The following ARIH1 variants were observed in gnomAD, a reference collection of about 807,000 sequenced individuals.
The protein encoded by ARIH1 is E3 ubiquitin-protein ligase ARIH1.
ARIH1 carries 8 observed loss-of-function variants against 85.0 expected under a neutral mutation model. That is an observed-to-expected ratio of 0.09 (90% CI 0.06 to 0.17). The LOEUF is 0.17. ARIH1 is among the 10% of genes least tolerant of loss of function. The probability of loss-of-function intolerance (pLI) is 1.00; values close to 1 mark genes in which losing one functional copy is unlikely to be tolerated. For missense variants in ARIH1, 311 were observed against 718.1 expected (o/e 0.43, Z 6.48); for synonymous variants, 238 against 253.6 (o/e 0.94, Z 0.59).
intron 1 of ARIH1, among the ~76,000 whole-genome samples, chr15:72,513,680 T>C (rs1473653354): frequency 3.6e-4 from 47 of 128,942 alleles, no homozygotes; most frequent in African/African-American, 1.3e-3. Flanking sequence ...TCTCTCTCTC[T>C]CCCTCTCCCT....
At chr15:72,490,211 T>A (rs1274999541) in intron 1 of ARIH1, among the ~76,000 whole-genome samples, 2 of 151,206 alleles carry the variant, frequency 1.3e-5, no homozygotes, top group African/African-American at 2.4e-5. Flanking sequence ...AAAAAAAATG[T>A]TTTTCAGGGA....
chr15:72,574,550 A>T (rs1236137679), intron 11 of ARIH1, among the ~76,000 whole-genome samples: 1 of 152,170 alleles, frequency 6.6e-6, no homozygotes, highest in South Asian at 2.1e-4. Flanking sequence ...GTTATAGAAA[A>T]TTGTTGACTC....
At chr15:72,497,492 T>G (rs1354031249) in intron 1 of ARIH1, among the ~76,000 whole-genome samples, 3 of 152,048 alleles carry the variant, frequency 2.0e-5, no homozygotes, top group Non-Finnish European at 4.4e-5. Context: ...GGAAGGGCAA[T>G]AGCATTTTTA....
intron 1 of ARIH1, among the ~76,000 whole-genome samples, chr15:72,514,345 CTTCT>C (rs1449498747): frequency 6.6e-6 from 1 of 152,138 alleles, no homozygotes; most frequent in Admixed American, 6.6e-5. Context: ...CTTCTGTCAT[CTTCT>C]TTCTGATAGT....
At chr15:72,521,634 C>T (rs751795113) in intron 2 of ARIH1, among the ~76,000 whole-genome samples, 25 of 151,968 alleles carry the variant, frequency 1.6e-4, no homozygotes, top group Non-Finnish European at 3.1e-4. Context: ...CTGCAACCTC[C>T]GCCTTGTGAG....
intron 1 of ARIH1, among the ~76,000 whole-genome samples, chr15:72,501,710 A>G (rs1018496521): frequency 2.6e-5 from 4 of 152,220 alleles, no homozygotes; most frequent in African/African-American, 9.6e-5. Flanking sequence ...TGAACAAATA[A>G]CTGAAAGGTT....
chr15:72,596,751 T>C lies in ARIH1; in HGVS notation c.*13459T>C, dbSNP rs1347248586. On this transcript the variant is annotated 3_prime_UTR_variant, in exon 14 of 14. Coordinates refer to ENST00000379887, the MANE Select transcript of ARIH1 (RefSeq NM_005744.5). ...TTATTGAATTCTCCATTTAAAAATT[T>C]TTATTTTTAGTTATTTATGGATACA... 1 of 152,168 alleles carries C rather than the reference T, an allele frequency of 6.6e-6. No homozygotes were observed. The highest frequency in any genetic ancestry group is 1.5e-5 in the Non-Finnish European group (1 of 68,034). The allele number at this position is 152,168 out of a possible 1,614,324, so 9.4% of individuals were successfully genotyped here. A position where few individuals can be genotyped will look rare whatever the true frequency, so the allele number is the denominator to read the frequency against.
intron 1 of ARIH1, among the ~76,000 whole-genome samples, chr15:72,517,099 T>C (rs777377082): frequency 6.6e-6 from 1 of 152,220 alleles, no homozygotes; most frequent in Non-Finnish European, 1.5e-5. Flanking sequence ...CAGTAAACTT[T>C]GGTTTTATTT....
intron 2 of ARIH1, among the ~76,000 whole-genome samples, chr15:72,537,747 C>T (rs1469448805): frequency 1.3e-5 from 2 of 152,042 alleles, no homozygotes; most frequent in African/African-American, 4.8e-5. Context: ...TTTTGGCACC[C>T]TGGATTTTTG....
Position 72,541,345 on chromosome 15 carries a change from G to A in ARIH1, c.444-3475G>A, listed in dbSNP as rs189500221. 9.7e-4 allele frequency among the ~76,000 whole-genome samples: 148 copies of A among 152,202 alleles called. 2 individuals carry two copies. The highest frequency in any genetic ancestry group is 9.0e-3 in the Admixed American group (138 of 15,286). ...TGAAATACCTGAGAATAAAGTTACT[G>A]GAAGATGTGCAGGATCCACATAGTG... On this transcript the variant is annotated intron_variant, in intron 2 of 13. Coordinates refer to ENST00000379887, the MANE Select transcript of ARIH1 (RefSeq NM_005744.5).
chr15:72,551,167 C>T (rs144155023), intron 3 of ARIH1, among the ~76,000 whole-genome samples: 22 of 151,200 alleles, frequency 1.5e-4, no homozygotes, highest in African/African-American at 4.4e-4. Flanking sequence ...ATAAGAGCCA[C>T]GAAAGGAAAG....
chr15:72,479,211 G>C (rs974886234), intron 1 of ARIH1, among the ~76,000 whole-genome samples: 1 of 152,130 alleles, frequency 6.6e-6, no homozygotes, highest in Non-Finnish European at 1.5e-5. Context: ...GATGTTGATT[G>C]TAAGTATAAT....
chr15:72,478,782 GT>G (rs1192072584), intron 1 of ARIH1, among the ~76,000 whole-genome samples: 1 of 152,164 alleles, frequency 6.6e-6, no homozygotes, highest in Non-Finnish European at 1.5e-5. Context: ...CTCAGGCAGG[GT>G]GAGTAGAGTG....
chr15:72,480,626 G>A (rs1316347222), intron 1 of ARIH1, among the ~76,000 whole-genome samples: 4 of 151,576 alleles, frequency 2.6e-5, no homozygotes, highest in South Asian at 4.2e-4. Flanking sequence ...GTGCAATGAC[G>A]CGATCTCAGC....
chr15:72,503,895 G>A (rs1246517245), intron 1 of ARIH1, among the ~76,000 whole-genome samples: 2 of 152,150 alleles, frequency 1.3e-5, no homozygotes, highest in Non-Finnish European at 2.9e-5. Flanking sequence ...AGGTTGGGGT[G>A]CCTGCAACCC....
At chr15:72,559,369 A>T (rs1237548652) in intron 5 of ARIH1, among the ~76,000 whole-genome samples, 1 of 152,002 alleles carries the variant, frequency 6.6e-6, no homozygotes. Context: ...TCCTAGGTTC[A>T]AGTGATTCTC....
chr15:72,540,055 C>G (rs960715077), intron 2 of ARIH1, among the ~76,000 whole-genome samples: 11 of 152,020 alleles, frequency 7.2e-5, no homozygotes, highest in Admixed American at 6.5e-5. Context: ...GTCAGGAGTT[C>G]GAGACCAGCC....
chr15:72,544,177 C>T (rs1053613089), intron 2 of ARIH1, among the ~76,000 whole-genome samples: 2 of 151,422 alleles, frequency 1.3e-5, no homozygotes, highest in African/African-American at 4.9e-5. Context: ...TTGTTTTATT[C>T]CTCCTCCTTT....
chr15:72,528,691 C>CA (rs948860698), intron 2 of ARIH1, among the ~76,000 whole-genome samples: 9 of 151,862 alleles, frequency 5.9e-5, no homozygotes, highest in Admixed American at 3.3e-4. Context: ...CCCATCTCTA[C>CA]AAAAAAATAA....
Sources: allele counts gnomAD v4.1 joint callset (sites outside exome capture counted in the v4.1 genomes callset), GRCh38; gene constraint gnomAD v4.1.1; transcripts MANE v1.5; gene names NCBI Gene and HGNC (gene_info 2026-07-23, HGNC 2026-07-21).